DNAH6: variants seen among roughly 807,000 people sequenced by gnomAD.
DNAH6 encodes axonemal beta dynein heavy chain 6.
A neutral mutation model predicts 491.4 loss-of-function variants in DNAH6; 340 were observed. That is an observed-to-expected ratio of 0.69 (90% CI 0.63 to 0.76). DNAH6 has a LOEUF of 0.76. Among genes scored for constraint, DNAH6 ranks in the 30% least tolerant of loss-of-function variants. The pLI is 0.00. For missense variants in DNAH6, 4,443 were observed against 4,972.2 expected (o/e 0.89, Z 3.20); for synonymous variants, 1,603 against 1,686.1 (o/e 0.95, Z 1.21).
At chr2:84,608,751 CAA>C (rs35413888) in intron 21 of DNAH6, among the ~76,000 whole-genome samples, 36 of 152,258 alleles carry the variant, frequency 2.4e-4, no homozygotes, top group Admixed American at 9.8e-4. Flanking sequence ...GGTTCTAACT[CAA>C]AGTCACCAGC....
chr2:84,546,019 A>G (rs1202277265), intron 5 of DNAH6, among the ~76,000 whole-genome samples: 1 of 152,192 alleles, frequency 6.6e-6, no homozygotes, highest in African/African-American at 2.4e-5. Context: ...TTTAGAATAT[A>G]TGCATCGCTC....
At chr2:84,770,372 G>A (rs905091666) in intron 64 of DNAH6, among the ~76,000 whole-genome samples, 6 of 152,222 alleles carry the variant, frequency 3.9e-5, no homozygotes, top group Admixed American at 2.0e-4. Context: ...TGACCCTAAT[G>A]AATGCCAGAC....
chr2:84,727,718 A>G lies in DNAH6; in HGVS notation c.10022A>G (p.Gln3341Arg). Residue 3341 changes from glutamine to arginine, a missense_variant, in exon 61 of 77, where the codon CAG becomes CGG. Gln to Arg is a conservative substitution (Grantham distance 43). This residue lies in a region of DNAH6 where 1,463 missense variants were observed against 1,656.6 expected (regional missense o/e 0.88). Coordinates refer to ENST00000389394, the MANE Select transcript of DNAH6 (RefSeq NM_001370.2). ...ETSVKTENLQ[Q>R]RLDVLLEQTL... ...TCTGTAAAGACAGAAAATCTACAAC[A>G]GCGCCTGGACGTACTACTAGAACAA... 1.3e-6 allele frequency: 2 copies of G among 1,551,636 alleles called. No individual in the cohort carries two copies. Among genetic ancestry groups the G allele is most frequent in the Non-Finnish European group, 8.7e-7 (1 of 1,146,888 alleles).
chr2:84,813,499 G>T (rs1334362049), intron 74 of DNAH6, among the ~76,000 whole-genome samples: 6 of 152,192 alleles, frequency 3.9e-5, no homozygotes, highest in Admixed American at 3.9e-4. Flanking sequence ...AAATTCTCTT[G>T]ATGTGCCTCC....
At chr2:84,602,804 T>TC (rs1045361908) in intron 18 of DNAH6, among the ~76,000 whole-genome samples, 2 of 150,706 alleles carry the variant, frequency 1.3e-5, no homozygotes, top group Non-Finnish European at 3.0e-5. Flanking sequence ...TCTGTTTTTT[T>TC]TTTTTTTTCT....
At chr2:84,731,808 G>A (rs570708434) in intron 61 of DNAH6, among the ~76,000 whole-genome samples, 53 of 152,192 alleles carry the variant, frequency 3.5e-4, no homozygotes, top group Non-Finnish European at 5.7e-4. Flanking sequence ...ACTGAAGCCT[G>A]CCAAAGACCA....
intron 9 of DNAH6, among the ~76,000 whole-genome samples, chr2:84,551,601 A>G (rs115954328): frequency 2.0e-3 from 311 of 152,300 alleles, no homozygotes; most frequent in African/African-American, 7.0e-3. Flanking sequence ...ATCCTTGTCT[A>G]TACATTTTTC....
chr2:84,809,729 G>A (rs185776893), intron 72 of DNAH6, among the ~76,000 whole-genome samples: 2 of 152,294 alleles, frequency 1.3e-5, no homozygotes, highest in African/African-American at 4.8e-5. Flanking sequence ...GGATAAACAG[G>A]TTGGCTCTTC....
chr2:84,800,046 C>G (rs1678743112), intron 70 of DNAH6, among the ~76,000 whole-genome samples: 1 of 152,184 alleles, frequency 6.6e-6, no homozygotes, highest in South Asian at 2.1e-4. Flanking sequence ...TCTTTTAAGC[C>G]AGGACTACAG....
chr2:84,509,430 G>T, the DNAH6 span, among the ~76,000 whole-genome samples: 1 of 152,136 alleles, frequency 6.6e-6, no homozygotes, highest in Non-Finnish European at 1.5e-5. Context: ...TTGCTTGGTA[G>T]ATCTTCCTCC....
At chr2:84,523,912 T>C (rs1676367052) in intron 2 of DNAH6, among the ~76,000 whole-genome samples, 1 of 152,076 alleles carries the variant, frequency 6.6e-6, no homozygotes, top group African/African-American at 2.4e-5. Context: ...ATGAGAAGAA[T>C]GTATATTCTG....
At chr2:84,622,331 A>G (rs1383045467) in intron 26 of DNAH6, among the ~76,000 whole-genome samples, 2 of 151,426 alleles carry the variant, frequency 1.3e-5, no homozygotes. Context: ...ATTTTCTTTT[A>G]TTTTTTTCTT....
At chr2:84,584,853 C>G (rs1359785700) in intron 15 of DNAH6, 2 of 151,758 alleles carry the variant, frequency 1.3e-5, no homozygotes, top group Non-Finnish European at 2.9e-5. Context: ...AAAATAAAAG[C>G]TAAATAAAAA....
chr2:84,651,569 T>C (rs1690456952), intron 33 of DNAH6, among the ~76,000 whole-genome samples: 1 of 152,186 alleles, frequency 6.6e-6, no homozygotes, highest in East Asian at 1.9e-4. Context: ...CCTGGTCCTT[T>C]GGATAAAGAC....
intron 54 of DNAH6, among the ~76,000 whole-genome samples, chr2:84,708,555 G>A (rs1573558127): frequency 7.0e-6 from 1 of 143,780 alleles, no homozygotes; most frequent in African/African-American, 2.6e-5. Context: ...GAAGGAGGAA[G>A]GAAGGAAAGA....
chr2:84,598,342 T>C (rs1465455305), intron 18 of DNAH6, among the ~76,000 whole-genome samples: 2 of 152,146 alleles, frequency 1.3e-5, no homozygotes, highest in Non-Finnish European at 2.9e-5. Context: ...CATTTATTTT[T>C]ATTTTCTAGT....
At chr2:84,628,781 G>A (rs1479159930) in intron 29 of DNAH6, among the ~76,000 whole-genome samples, 1 of 151,966 alleles carries the variant, frequency 6.6e-6, no homozygotes, top group Non-Finnish European at 1.5e-5. Context: ...CAAGTCAAAT[G>A]TTCTCTCCCA....
intron 42 of DNAH6, 97 bp from the exon 43 acceptor site, chr2:84,685,229 G>A (rs984511949): frequency 2.3e-6 from 2 of 884,684 alleles, no homozygotes; most frequent in Admixed American, 6.8e-5. Context: ...GCAATATGAG[G>A]GTAAAGTTGT....
chr2:84,503,698 T>C, the DNAH6 span, among the ~76,000 whole-genome samples: 5 of 151,572 alleles, frequency 3.3e-5, no homozygotes, highest in Non-Finnish European at 7.4e-5. Flanking sequence ...TTTTTTTTTT[T>C]CTTCAACACT....
Sources: gnomAD v4.1 joint callset for allele counts (sites outside exome capture counted in the v4.1 genomes callset) on GRCh38, gnomAD v4.1.1 for gene constraint, gnomAD v4.1.1 regional missense constraint, MANE v1.5 for transcripts, NCBI Gene and HGNC (gene_info 2026-07-23, HGNC 2026-07-21) for gene names.